The following NECAB1 variants were observed in gnomAD, a reference collection of about 807,000 sequenced individuals.
NECAB1 encodes the protein N-terminal EF-hand calcium-binding protein 1.
A neutral mutation model predicts 57.5 loss-of-function variants in NECAB1; 29 were observed. The observed-to-expected ratio is 0.50, with a 90% CI of 0.38 to 0.69. The LOEUF is 0.69. NECAB1 is among the 30% of genes least tolerant of loss of function. The pLI, the probability that NECAB1 is intolerant of heterozygous loss-of-function variation, is 0.00. For missense variants in NECAB1, 372 were observed against 413.8 expected, an observed-to-expected ratio of 0.90 and a Z score of 0.88; for synonymous variants, 142 against 147.7, an observed-to-expected ratio of 0.96 and a Z score of 0.28.
At chr8:90,832,216 C>A (rs1007220670) in intron 3 of NECAB1, among the ~76,000 whole-genome samples, 4 of 152,092 alleles carry the variant, frequency 2.6e-5, no homozygotes, top group Non-Finnish European at 2.9e-5. Context: ...AGAGAAAAAA[C>A]CCAAAGTGGT....
At chr8:90,860,263 A>G (rs1475062365) in intron 3 of NECAB1, among the ~76,000 whole-genome samples, 3 of 130,324 alleles carry the variant, frequency 2.3e-5, no homozygotes, top group African/African-American at 9.0e-5. Flanking sequence ...TTAACGTTCT[A>G]GGTGATTCTA....
intron 3 of NECAB1, among the ~76,000 whole-genome samples, chr8:90,827,282 G>A (rs1233574567): frequency 1.3e-5 from 2 of 151,972 alleles, no homozygotes; most frequent in Non-Finnish European, 2.9e-5. Flanking sequence ...AGTACAGCCT[G>A]GCCTGAAGGA....
At chr8:90,937,714 C>G (rs1810570565) in intron 9 of NECAB1, among the ~76,000 whole-genome samples, 1 of 152,194 alleles carries the variant, frequency 6.6e-6, no homozygotes, top group Non-Finnish European at 1.5e-5. Context: ...CATTTGAGCA[C>G]ATTCTTGTGC....
At chr8:90,892,188 A>G (rs1586093204) in intron 5 of NECAB1, among the ~76,000 whole-genome samples, 1 of 152,200 alleles carries the variant, frequency 6.6e-6, no homozygotes, top group Non-Finnish European at 1.5e-5. Context: ...TTACATGGTC[A>G]TGTAGTTTTT....
chr8:90,799,523 T>C (rs181089478), intron 1 of NECAB1, among the ~76,000 whole-genome samples: 36 of 152,312 alleles, frequency 2.4e-4, no homozygotes, highest in African/African-American at 8.2e-4. Flanking sequence ...TTCTTCTGCA[T>C]ATGACCTACT....
rs906748307 is a variant in NECAB1, at chr8:90,891,735, G to A, written c.357+10605G>A. Reference sequence around the variant, plus strand: ...TTAGATAGGCTTTCACTCCTGTTGCGCAGGCTAGAGTGCAGTGGTGGGATC... The same window carrying A: ...TTAGATAGGCTTTCACTCCTGTTGCACAGGCTAGAGTGCAGTGGTGGGATC... On this transcript the variant is annotated intron_variant, in intron 5 of 12. Transcript: ENST00000417640. Among the ~76,000 whole-genome samples the A allele has an allele frequency of 9.9e-5, 15 of 150,786 alleles. 1 individual carries two copies. In the East Asian group the frequency reaches 1.8e-3, roughly 18 times the overall value.
intron 6 of NECAB1, among the ~76,000 whole-genome samples, chr8:90,922,708 G>C (rs1203216963): frequency 6.6e-6 from 1 of 151,834 alleles, no homozygotes; most frequent in Non-Finnish European, 1.5e-5. Flanking sequence ...GGCCAAGCTG[G>C]TTTTGAACTC....
chr8:90,920,358 T>G (rs2130136160), intron 6 of NECAB1, among the ~76,000 whole-genome samples: 1 of 152,254 alleles, frequency 6.6e-6, no homozygotes, highest in African/African-American at 2.4e-5. Context: ...TGCCCAAACC[T>G]AAAGGGACTG....
At chr8:90,845,115 G>C (rs917904454) in intron 3 of NECAB1, among the ~76,000 whole-genome samples, 4 of 152,086 alleles carry the variant, frequency 2.6e-5, no homozygotes, top group African/African-American at 9.7e-5. Context: ...ATTGGATAAG[G>C]CTTGCCCACA....
At chr8:90,831,998 C>G (rs1157931809) in intron 3 of NECAB1, among the ~76,000 whole-genome samples, 1 of 152,068 alleles carries the variant, frequency 6.6e-6, no homozygotes, top group Non-Finnish European at 1.5e-5. Flanking sequence ...ACACTTTTAC[C>G]AGGACTCACT....
chr8:90,845,237 G>C (rs1812533675), intron 3 of NECAB1, among the ~76,000 whole-genome samples: 1 of 152,172 alleles, frequency 6.6e-6, no homozygotes, highest in South Asian at 2.1e-4. Flanking sequence ...TGTGGGCACA[G>C]TGACCAAGCC....
chr8:90,862,126 A>G (rs1808402414), intron 3 of NECAB1, among the ~76,000 whole-genome samples: 1 of 152,210 alleles, frequency 6.6e-6, no homozygotes, highest in Non-Finnish European at 1.5e-5. Context: ...GCTATTAAAA[A>G]CAATGAAGCA....
intron 2 of NECAB1, among the ~76,000 whole-genome samples, chr8:90,817,408 A>G (rs1395714634): frequency 6.6e-6 from 1 of 151,688 alleles, no homozygotes; most frequent in East Asian, 1.9e-4. Flanking sequence ...AATCTTAAGG[A>G]AAAAAACATC....
At chr8:90,818,346 T>A (rs916492426) in intron 2 of NECAB1, among the ~76,000 whole-genome samples, 1 of 152,064 alleles carries the variant, frequency 6.6e-6, no homozygotes, top group African/African-American at 2.4e-5. Context: ...TAAATTATTT[T>A]TCTCTCTTTA....
At chr8:90,913,146 G>A (rs1173882288) in intron 5 of NECAB1, among the ~76,000 whole-genome samples, 1 of 152,174 alleles carries the variant, frequency 6.6e-6, no homozygotes, top group Non-Finnish European at 1.5e-5. Flanking sequence ...GAGAAATGAT[G>A]TGAAAATTAA....
intron 10 of NECAB1, among the ~76,000 whole-genome samples, chr8:90,945,587 CT>C (rs1810787224): frequency 6.6e-6 from 1 of 152,158 alleles, no homozygotes; most frequent in Non-Finnish European, 1.5e-5. Context: ...CTTGCCATGT[CT>C]TTTCTTCACT....
intron 3 of NECAB1, among the ~76,000 whole-genome samples, chr8:90,849,483 C>CTTTTTTTTTTTTTT (rs5893138): frequency 8.8e-6 from 1 of 113,426 alleles, no homozygotes; most frequent in African/African-American, 3.4e-5. Flanking sequence ...AAGAAAAATG[C>CTTTTTTTTTTTTTT]TTTTTTTTTT....
Position 90,958,991 on chromosome 8 carries a change from A to G in NECAB1, c.*3479A>G. 1 of 1,405,712 alleles carries G rather than the reference A, an allele frequency of 7.1e-7. No individual in the cohort carries two copies. Among genetic ancestry groups the G allele is most frequent in the Non-Finnish European group, 9.6e-7 (1 of 1,046,728 alleles). 87.1% of individuals were successfully genotyped at this position (1,405,712 alleles called of 1,614,324 possible). A position where few individuals can be genotyped will look rare whatever the true frequency, so the allele number is the denominator to read the frequency against. On this transcript the variant is annotated 3_prime_UTR_variant, in exon 13 of 13. Transcript: ENST00000417640. Reference sequence around the variant, plus strand: ...TTTGCAGATGTCCAAACTTAAATTCATCTGTTCTTAAAATGCTACTTAAAA... The same window carrying G: ...TTTGCAGATGTCCAAACTTAAATTCGTCTGTTCTTAAAATGCTACTTAAAA...
intron 10 of NECAB1, among the ~76,000 whole-genome samples, chr8:90,949,039 G>C (rs367984956): frequency 4.3e-4 from 65 of 152,150 alleles, no homozygotes; most frequent in African/African-American, 1.4e-3. Context: ...GAACAAATTT[G>C]TCTCACCCAA....
Sources: gnomAD v4.1 joint callset for allele counts (sites outside exome capture counted in the v4.1 genomes callset) on GRCh38, gnomAD v4.1.1 for gene constraint, MANE v1.5 for transcripts, NCBI Gene and HGNC (gene_info 2026-07-23, HGNC 2026-07-21) for gene names.